Variants in HDAC4 observed in about 807,000 individuals in gnomAD.
HDAC4 encodes histone deacetylase A.
In HDAC4, 16 loss-of-function variants were observed where a neutral mutation model predicts 135.1. That is an observed-to-expected ratio of 0.12 (90% CI 0.08 to 0.18). HDAC4 has a LOEUF of 0.18. Ranked by LOEUF, HDAC4 falls within the 10% of genes least tolerant of loss-of-function variation. The pLI is 1.00. For missense variants in HDAC4, 1,143 were observed against 1,511.8 expected (o/e 0.76, Z 4.05); for synonymous variants, 685 against 653.4 (o/e 1.05, Z -0.74).
chr2:239,058,440 AG>A (rs1380172291), intron 24 of HDAC4, among the ~76,000 whole-genome samples: 1 of 152,240 alleles, frequency 6.6e-6, no homozygotes, highest in Non-Finnish European at 1.5e-5. Context: ...CACAGACCAC[AG>A]GATAGGACGT....
chr2:239,054,678 CA>C, intron 25 of HDAC4, 70 bp downstream of exon 25: 2 of 961,938 alleles, frequency 2.1e-6, no homozygotes, highest in South Asian at 2.6e-5. Context: ...TATAGGGGGA[CA>C]GGGATGGGGT....
intron 24 of HDAC4, among the ~76,000 whole-genome samples, chr2:239,057,735 A>G (rs2032092841): frequency 1.3e-5 from 2 of 152,206 alleles, no homozygotes; most frequent in Admixed American, 6.5e-5. Flanking sequence ...AGTTGACCAC[A>G]TGAGTGTTTT....
intron 3 of HDAC4, among the ~76,000 whole-genome samples, chr2:239,229,598 C>T (rs2047426443): frequency 1.3e-5 from 2 of 152,158 alleles, no homozygotes; most frequent in Admixed American, 6.5e-5. Flanking sequence ...TGGCTTTATG[C>T]GTTTTAGGGA....
At chr2:239,185,732 C>T (rs1441144676) in intron 4 of HDAC4, among the ~76,000 whole-genome samples, 1 of 152,138 alleles carries the variant, frequency 6.6e-6, no homozygotes, top group Non-Finnish European at 1.5e-5. Context: ...AGGCATTGAT[C>T]AGAAATGCAA....
At chr2:239,124,272 G>C (rs931818805) in intron 12 of HDAC4, among the ~76,000 whole-genome samples, 8 of 152,190 alleles carry the variant, frequency 5.3e-5, no homozygotes, top group Non-Finnish European at 1.0e-4. Context: ...CCATCCCTAA[G>C]AAGAGGCGCT....
chr2:239,324,445 C>T (rs1279014349), intron 2 of HDAC4, among the ~76,000 whole-genome samples: 2 of 152,246 alleles, frequency 1.3e-5, no homozygotes, highest in South Asian at 2.1e-4. Flanking sequence ...ATAAATCCTA[C>T]TCCCTGTAAA....
chr2:239,076,939 T>C (rs2034825861), intron 22 of HDAC4, among the ~76,000 whole-genome samples: 1 of 151,700 alleles, frequency 6.6e-6, no homozygotes, highest in Non-Finnish European at 1.5e-5. Flanking sequence ...CCAAGTGCCC[T>C]CTCCCCCAAA....
intron 22 of HDAC4, among the ~76,000 whole-genome samples, chr2:239,078,086 C>T (rs868446849): frequency 6.6e-6 from 1 of 152,174 alleles, no homozygotes; most frequent in South Asian, 2.1e-4. Flanking sequence ...CCCATGTCCC[C>T]GCGCACAGGT....
chr2:239,065,113 T>A (rs2033301514), intron 24 of HDAC4, among the ~76,000 whole-genome samples: 1 of 152,178 alleles, frequency 6.6e-6, no homozygotes, highest in African/African-American at 2.4e-5. Context: ...CAGGGCCAGC[T>A]TTCCATCGGG....
rs1239196860 is a variant in HDAC4, at chr2:239,129,575, T to TC, written c.1295-2882dup. Among the ~76,000 whole-genome samples the TC allele has an allele frequency of 2.0e-5, 3 of 152,200 alleles. No individual in the cohort carries two copies. The South Asian group carries it at 6.2e-4, about 32-fold the overall frequency. ...TGCCCTGAGCACTGGCAGAAGCCCT[T>TC]CCCTGTGCCCAGTGCAAGGGCAACA... is the stretch of plus-strand genomic sequence containing the variant. On this transcript the variant is annotated intron_variant, in intron 11 of 26. Transcript: ENST00000543185.
At chr2:239,117,981 G>A (rs931063606) in intron 12 of HDAC4, among the ~76,000 whole-genome samples, 3 of 152,158 alleles carry the variant, frequency 2.0e-5, no homozygotes, top group Admixed American at 1.3e-4. Context: ...CACGCGAGGC[G>A]GCCTCTCCAG....
At chr2:239,344,594 T>C (rs910086814) in intron 2 of HDAC4, among the ~76,000 whole-genome samples, 2 of 152,060 alleles carry the variant, frequency 1.3e-5, no homozygotes, top group Non-Finnish European at 2.9e-5. Context: ...AGAACAAACC[T>C]TGACTGATTA....
intron 3 of HDAC4, among the ~76,000 whole-genome samples, chr2:239,224,579 C>A (rs551492235): frequency 6.6e-6 from 1 of 152,218 alleles, no homozygotes; most frequent in African/African-American, 2.4e-5. Flanking sequence ...CCTCCACTCC[C>A]GAGCCCTGCT....
intron 2 of HDAC4, among the ~76,000 whole-genome samples, chr2:239,323,903 A>T (rs2053392813): frequency 6.6e-6 from 1 of 152,184 alleles, no homozygotes; most frequent in Non-Finnish European, 1.5e-5. Context: ...ATTGCTGTTG[A>T]AATATTTAAC....
chr2:239,165,247 A>G (rs1040122176), intron 5 of HDAC4, among the ~76,000 whole-genome samples: 6 of 151,762 alleles, frequency 4.0e-5, no homozygotes, highest in Non-Finnish European at 7.4e-5. Context: ...GAAAAACGAA[A>G]CTTCTCTACA....
At chr2:239,206,330 A>T (rs3828227) in intron 3 of HDAC4, among the ~76,000 whole-genome samples, 21,465 of 152,126 alleles carry the variant, frequency 0.14, 1,616 homozygotes, top group East Asian at 0.23. Flanking sequence ...CCTGCCTCAA[A>T]AAAAAAGAAA....
intron 1 of HDAC4, among the ~76,000 whole-genome samples, chr2:239,399,953 T>G (rs1427128622): frequency 6.6e-6 from 1 of 152,234 alleles, no homozygotes; most frequent in Admixed American, 6.5e-5. Flanking sequence ...ATTACAAATT[T>G]TTGATGTGCA....
chr2:239,268,922 G>A (rs995871832), intron 2 of HDAC4, among the ~76,000 whole-genome samples: 1 of 152,152 alleles, frequency 6.6e-6, no homozygotes, highest in African/African-American at 2.4e-5. Context: ...TAGAAGAATG[G>A]AATTGAGCTG....
chr2:239,144,760 C>T, intron 7 of HDAC4, 46 bp from the exon 8 acceptor site: 1 of 1,606,034 alleles, frequency 6.2e-7, no homozygotes, highest in Non-Finnish European at 8.5e-7. Context: ...ACACCACTGG[C>T]TCAAGGTTAT....
Sources: gnomAD v4.1 joint callset for allele counts (sites outside exome capture counted in the v4.1 genomes callset) on GRCh38, gnomAD v4.1.1 for gene constraint, MANE v1.5 for transcripts, NCBI Gene and HGNC (gene_info 2026-07-23, HGNC 2026-07-21) for gene names.